FAM222B: variants seen among roughly 807,000 people sequenced by gnomAD.
The protein encoded by FAM222B is protein FAM222B.
Under a neutral mutation model 38.0 loss-of-function variants are expected in FAM222B, and 12 were observed. The ratio of observed to expected loss-of-function variants is 0.32; its 90% CI spans 0.20 to 0.51. The LOEUF (loss-of-function observed/expected upper bound fraction) is 0.51. FAM222B is among the 20% of genes least tolerant of loss of function. The pLI, the probability that FAM222B is intolerant of heterozygous loss-of-function variation, is 0.97. For synonymous variants in FAM222B, 329 were observed against 317.2 expected, an observed-to-expected ratio of 1.04 and a Z score of -0.40; for missense variants, 716 against 754.2, an observed-to-expected ratio of 0.95 and a Z score of 0.59.
Position 28,775,475 on chromosome 17 carries a change from A to C in FAM222B, c.-40-8768T>G, listed in dbSNP as rs547038727. 1.4e-3 allele frequency among the ~76,000 whole-genome samples: 208 copies of C among 151,642 alleles called. 1 individual carries two copies. The highest frequency in any genetic ancestry group is 9.3e-3 in the Admixed American group (142 of 15,214). On this transcript the variant is annotated intron_variant, in intron 1 of 2. Transcript: ENST00000581407. ...TTCACTGCCTTCAAAAAAAAAAAAA[A>C]ACACAGACAAAAAACAACAGCTCCC... is the stretch of plus-strand genomic sequence containing the variant.
At chr17:28,832,017 G>A (rs948995169) in intron 1 of FAM222B, among the ~76,000 whole-genome samples, 3 of 151,916 alleles carry the variant, frequency 2.0e-5, no homozygotes, top group South Asian at 2.1e-4. Context: ...GTGAAACCCC[G>A]TCTCAACTAA....
chr17:28,800,242 T>C (rs766473474), intron 1 of FAM222B, among the ~76,000 whole-genome samples: 49 of 152,170 alleles, frequency 3.2e-4, no homozygotes, highest in African/African-American at 1.2e-3. Flanking sequence ...TTGGTCAGGC[T>C]GGTCTCGAAC....
intron 1 of FAM222B, among the ~76,000 whole-genome samples, chr17:28,790,635 A>G (rs745433094): frequency 7.2e-5 from 11 of 152,168 alleles, no homozygotes; most frequent in South Asian, 2.1e-4. Context: ...TATAAAGCAT[A>G]TAACTGGTAT....
At chr17:28,814,964 G>A (rs2037958142) in intron 1 of FAM222B, among the ~76,000 whole-genome samples, 2 of 150,242 alleles carry the variant, frequency 1.3e-5, no homozygotes, top group African/African-American at 4.9e-5. Flanking sequence ...AGTAGAAACG[G>A]GGTTTCACCA....
chr17:28,766,552 A>C (rs376668197), intron 2 of FAM222B, 34 bp downstream of exon 2: 17 of 1,549,196 alleles, frequency 1.1e-5, no homozygotes, highest in Admixed American at 5.7e-5. Flanking sequence ...AAAACAAAGA[A>C]TCACACATGC....
intron 1 of FAM222B, among the ~76,000 whole-genome samples, chr17:28,796,994 CTTTTTTTTTTTT>C (rs34242589): frequency 1.2e-5 from 1 of 81,606 alleles, no homozygotes; most frequent in African/African-American, 4.9e-5. Context: ...GTGGCTATTG[CTTTTTTTTTTTT>C]TTTTTTTTTT....
chr17:28,793,440 G>C (rs1597935657), intron 1 of FAM222B, among the ~76,000 whole-genome samples: 1 of 152,104 alleles, frequency 6.6e-6, no homozygotes, highest in Admixed American at 6.6e-5. Flanking sequence ...TTCCTGAAAA[G>C]TACCCACTAT....
Position 28,759,762 on chromosome 17 carries a change from A to T in FAM222B, c.197T>A (p.Val66Glu). 6.2e-7 allele frequency: 1 copy of T among 1,613,626 alleles called. No individual in the cohort carries two copies. The highest frequency in any genetic ancestry group is 8.5e-7 in the Non-Finnish European group (1 of 1,179,730). Residue 66 changes from valine (V) to glutamate (E), a missense_variant, in exon 3 of 3, where the codon GTG (valine) becomes GAG (glutamate). Physicochemically the swap from Val to Glu is moderately radical, Grantham distance 121. Transcript: ENST00000581407. The surrounding 1 kb of genome is among the most constrained non-coding windows in gnomAD (Gnocchi z 4.8). ...AACGTGTTTCCGCTGGGGAACCTTC[A>T]CACTGTTGGGGAAGATTTTTATAGT... Reference protein sequence around the residue: ...PLTIKIFPNSVKVPQRKHVRR... With the variant: ...PLTIKIFPNSEKVPQRKHVRR...
chr17:28,782,661 A>C (rs1229086232), intron 1 of FAM222B, among the ~76,000 whole-genome samples: 1 of 152,230 alleles, frequency 6.6e-6, no homozygotes, highest in Non-Finnish European at 1.5e-5. Context: ...AAAATTATGA[A>C]GTCACTTGTA....
intron 1 of FAM222B, among the ~76,000 whole-genome samples, chr17:28,778,427 C>T (rs2035995267): frequency 1.3e-5 from 2 of 151,180 alleles, no homozygotes; most frequent in African/African-American, 2.4e-5. Context: ...GACATGAACT[C>T]ATTCTTTTTT....
rs113159615 is a variant in FAM222B at position 28,799,265 on chromosome 17, G to A, written c.-40-32558C>T. Among the ~76,000 whole-genome samples the A allele has an allele frequency of 5.4e-5, 8 of 147,758 alleles. No individual in the cohort carries two copies. The East Asian group carries it at 6.0e-4, about 11-fold the overall frequency. ...TGGGATTACAGGTGTGAGCCACCGC[G>A]ACTGGCCTCTTGTTTTTGTAACACA... On this transcript the variant is annotated intron_variant, in intron 1 of 2. Transcript: ENST00000581407.
intron 1 of FAM222B, among the ~76,000 whole-genome samples, chr17:28,814,185 A>C (rs2037926902): frequency 6.6e-6 from 1 of 152,010 alleles, no homozygotes; most frequent in African/African-American, 2.4e-5. Flanking sequence ...CTCCAAAAAA[A>C]AAAAAAGAAA....
chr17:28,788,466 T>C (rs560797590), intron 1 of FAM222B, among the ~76,000 whole-genome samples: 32 of 150,270 alleles, frequency 2.1e-4, no homozygotes, highest in Admixed American at 8.0e-4. Flanking sequence ...CTGGAACTCA[T>C]GAGCTCAGGC....
chr17:28,771,027 A>T (rs925155301), intron 1 of FAM222B, among the ~76,000 whole-genome samples: 2 of 145,616 alleles, frequency 1.4e-5, no homozygotes, highest in South Asian at 2.2e-4. Context: ...TTTTTTTTTT[A>T]AAGGAGAGGG....
At chr17:28,822,816 AAAAAAAAAAAAAAAAAATATAT>A (rs1485383652) in intron 1 of FAM222B, among the ~76,000 whole-genome samples, 9 of 93,378 alleles carry the variant, frequency 9.6e-5, no homozygotes, top group African/African-American at 3.8e-4. Context: ...AAAAAAAAAA[AAAAAAAAAAAAAAAAAATATAT>A]ATATATATAT....
chr17:28,770,433 C>T (rs1680633535), intron 1 of FAM222B, among the ~76,000 whole-genome samples: 1 of 152,188 alleles, frequency 6.6e-6, no homozygotes, highest in African/African-American at 2.4e-5. Flanking sequence ...TTTCTTCAGA[C>T]AGCCTATCAG....
chr17:28,814,623 C>T (rs1437852250), intron 1 of FAM222B, among the ~76,000 whole-genome samples: 2 of 152,168 alleles, frequency 1.3e-5, no homozygotes, highest in South Asian at 2.1e-4. Flanking sequence ...CACACCACCA[C>T]GCCTGGCTAA....
Position 28,820,950 on chromosome 17 carries a change from C to CTTTTTTTTTTTT in FAM222B, c.-41+21731_-41+21732insAAAAAAAAAAAA, listed in dbSNP as rs1456864304. The stretch of plus-strand genomic sequence containing the variant: ...CCACTGCACCCAGTCTGGTAAAACT[C>CTTTTTTTTTTTT]TTTTTATTTTATTTTTTTTTTTTTG... On this transcript the variant is annotated intron_variant, in intron 1 of 2. Coordinates refer to ENST00000581407, the MANE Select transcript of FAM222B (RefSeq NM_001077498.3). Among the ~76,000 whole-genome samples, 3 of 144,306 alleles carry CTTTTTTTTTTTT rather than the reference C, an allele frequency of 2.1e-5. 1 individual carries two copies. Among genetic ancestry groups the CTTTTTTTTTTTT allele is most frequent in the African/African-American group, 7.6e-5 (3 of 39,606 alleles). The allele number at this position is 144,306 out of a possible 152,430, so 94.7% of individuals were successfully genotyped here.
At chr17:28,776,045 C>A (rs1342431378) in intron 1 of FAM222B, among the ~76,000 whole-genome samples, 4 of 148,472 alleles carry the variant, frequency 2.7e-5, no homozygotes, top group Admixed American at 6.7e-5. Context: ...CACTGCACCC[C>A]AGCCTGGGCA....
Sources: allele counts gnomAD v4.1 joint callset (sites outside exome capture counted in the v4.1 genomes callset), GRCh38; gene constraint gnomAD v4.1.1; non-coding constraint Gnocchi (gnomAD v3.1); transcripts MANE v1.5; gene names NCBI Gene and HGNC (gene_info 2026-07-23, HGNC 2026-07-21).